NTNG1: variants seen among roughly 807,000 people sequenced by gnomAD.
NTNG1 encodes the protein netrin G1.
In NTNG1, 16 loss-of-function variants were observed where a neutral mutation model predicts 54.0. The ratio of observed to expected loss-of-function variants is 0.30; its 90% confidence interval spans 0.20 to 0.45. The LOEUF (loss-of-function observed/expected upper bound fraction) is 0.45. Ranked by LOEUF, NTNG1 falls within the 20% of genes least tolerant of loss-of-function variation. NTNG1 has a pLI of 1.00. For missense variants in NTNG1, 530 were observed against 678.7 expected, an observed-to-expected ratio of 0.78 and a Z score of 2.43; for synonymous variants, 255 against 263.1, an observed-to-expected ratio of 0.97 and a Z score of 0.30.
chr1:107,300,195 G>A (rs1444838288), intron 2 of NTNG1, among the ~76,000 whole-genome samples: 1 of 152,160 alleles, frequency 6.6e-6, no homozygotes, highest in Non-Finnish European at 1.5e-5. Flanking sequence ...GAAGAGTGTT[G>A]CTAAGCAGAG....
At chr1:107,288,999 C>G (rs1315714882) in intron 2 of NTNG1, among the ~76,000 whole-genome samples, 2 of 152,110 alleles carry the variant, frequency 1.3e-5, no homozygotes, top group African/African-American at 2.4e-5. Flanking sequence ...AGTCAGTTGT[C>G]TCTTCCATTG....
intron 3 of NTNG1, among the ~76,000 whole-genome samples, chr1:107,368,537 C>T (rs1242504198): frequency 6.6e-6 from 1 of 152,200 alleles, no homozygotes; most frequent in Non-Finnish European, 1.5e-5. Context: ...GACTGTGATT[C>T]ACTGCCTCCT....
chr1:107,213,384 A>T (rs1377202982), intron 2 of NTNG1, among the ~76,000 whole-genome samples: 3 of 152,156 alleles, frequency 2.0e-5, no homozygotes, highest in Non-Finnish European at 4.4e-5. Context: ...CGCTCCTGCC[A>T]CGCTCTCTCC....
chr1:107,156,482 C>T (rs1157087309), intron 2 of NTNG1, among the ~76,000 whole-genome samples: 2 of 151,914 alleles, frequency 1.3e-5, no homozygotes, highest in Admixed American at 1.3e-4. Context: ...ATCAAGATAT[C>T]CAAGTGGAAG....
intron 2 of NTNG1, among the ~76,000 whole-genome samples, chr1:107,214,847 A>G (rs1347037426): frequency 1.3e-5 from 2 of 150,608 alleles, no homozygotes; most frequent in Non-Finnish European, 3.0e-5. Context: ...AGGTGGTATC[A>G]CATTGTGGTT....
At chr1:107,295,645 TAAC>T (rs1246349103) in intron 2 of NTNG1, among the ~76,000 whole-genome samples, 3 of 152,154 alleles carry the variant, frequency 2.0e-5, no homozygotes, top group East Asian at 3.8e-4. Flanking sequence ...TATACATTAA[TAAC>T]AATGTACATA....
At chr1:107,188,304 T>A (rs746746149) in intron 2 of NTNG1, among the ~76,000 whole-genome samples, 5 of 152,090 alleles carry the variant, frequency 3.3e-5, no homozygotes, top group Non-Finnish European at 7.4e-5. Flanking sequence ...AGACAAGGGG[T>A]GATGCTTGGA....
chr1:107,271,266 G>A (rs887316016), intron 2 of NTNG1, among the ~76,000 whole-genome samples: 10 of 152,108 alleles, frequency 6.6e-5, no homozygotes, highest in African/African-American at 1.7e-4. Flanking sequence ...AGTTACATAC[G>A]TATACATGTG....
At chr1:107,367,092 G>GTA (rs1214069668) in intron 3 of NTNG1, among the ~76,000 whole-genome samples, 1 of 151,520 alleles carries the variant, frequency 6.6e-6, no homozygotes, top group Admixed American at 6.6e-5. Flanking sequence ...GTGTGTGTGT[G>GTA]TGTTTCTCTA....
At chr1:107,280,896 ATTTTAT>A (rs1664809942) in intron 2 of NTNG1, among the ~76,000 whole-genome samples, 1 of 117,898 alleles carries the variant, frequency 8.5e-6, no homozygotes, top group African/African-American at 2.9e-5. Flanking sequence ...ATTTTATTTT[ATTTTAT>A]TTATTTTGGC....
In NTNG1 at chr1:107,458,275, C is replaced by T. The variant is rs1268102293; in HGVS notation, c.1390+21476C>T. Reference sequence around the variant, plus strand: ...TGCCAATCCGGGGGAAGCAAAAGAACTCTATATCATTTTAAATTTAACTCC... The same window carrying T: ...TGCCAATCCGGGGGAAGCAAAAGAATTCTATATCATTTTAAATTTAACTCC... On this transcript the variant is annotated intron_variant, in intron 7 of 7. Coordinates refer to ENST00000370068, the MANE Select transcript of NTNG1 (RefSeq NM_001113226.3). Among the ~76,000 whole-genome samples, 4 of 152,100 alleles carry T rather than the reference C, an allele frequency of 2.6e-5. 1 individual carries two copies. The South Asian group carries it at 6.2e-4, about 24-fold the overall frequency.
intron 7 of NTNG1, chr1:107,460,276 A>G: frequency 2.2e-6 from 1 of 445,534 alleles, no homozygotes; most frequent in Non-Finnish European, 4.5e-6. Flanking sequence ...GTTCATCATG[A>G]GCGCACTCCC....
chr1:107,480,489 A>G, intron 7 of NTNG1, 122 bp from the exon 8 acceptor site: 2 of 627,730 alleles, frequency 3.2e-6, no homozygotes, highest in Non-Finnish European at 5.6e-6. Flanking sequence ...GGGAGGGGGG[A>G]GCACAAAGAT....
intron 3 of NTNG1, among the ~76,000 whole-genome samples, chr1:107,385,371 T>C (rs1671898615): frequency 6.6e-6 from 1 of 151,938 alleles, no homozygotes. Flanking sequence ...CATGTGGTCC[T>C]GGTCTCTGCC....
chr1:107,208,812 G>T (rs1431095469), intron 2 of NTNG1, among the ~76,000 whole-genome samples: 1 of 152,092 alleles, frequency 6.6e-6, no homozygotes, highest in Non-Finnish European at 1.5e-5. Flanking sequence ...TTCCAGTTCA[G>T]CTGACTGAAA....
chr1:107,359,213 T>G (rs1036805000), intron 3 of NTNG1, among the ~76,000 whole-genome samples: 5 of 152,214 alleles, frequency 3.3e-5, no homozygotes, highest in African/African-American at 1.2e-4. Flanking sequence ...CTCATGACAA[T>G]GTAATTACAT....
chr1:107,145,380 TGA>T (rs1654029910), intron 1 of NTNG1, among the ~76,000 whole-genome samples: 1 of 152,064 alleles, frequency 6.6e-6, no homozygotes, highest in South Asian at 2.1e-4. Flanking sequence ...GGATTTCCTT[TGA>T]AGTATATGTG....
chr1:107,298,753 C>G (rs2101795729), intron 2 of NTNG1, among the ~76,000 whole-genome samples: 1 of 152,232 alleles, frequency 6.6e-6, no homozygotes, highest in South Asian at 2.1e-4. Context: ...GGCTGCAGCT[C>G]CTGTTGATGT....
intron 3 of NTNG1, among the ~76,000 whole-genome samples, chr1:107,361,584 C>T (rs1016109777): frequency 1.3e-5 from 2 of 151,512 alleles, no homozygotes; most frequent in Non-Finnish European, 2.9e-5. Flanking sequence ...CATGAGGTTT[C>T]AGCACGTTGG....
Sources: allele counts gnomAD v4.1 joint callset (sites outside exome capture counted in the v4.1 genomes callset), GRCh38; gene constraint gnomAD v4.1.1; transcripts MANE v1.5; gene names NCBI Gene and HGNC (gene_info 2026-07-23, HGNC 2026-07-21).